ZYG11A: variants seen among roughly 807,000 people sequenced by gnomAD.
ZYG11A encodes zyg-11 family member A, cell cycle regulator.
Under a neutral mutation model 77.2 loss-of-function variants are expected in ZYG11A, and 62 were observed. The observed-to-expected ratio is 0.80, with a 90% CI of 0.65 to 0.99. ZYG11A has a LOEUF of 0.99. Ranked by LOEUF, ZYG11A falls within the 50% of genes least tolerant of loss-of-function variation. The pLI is 0.00. For missense variants in ZYG11A, 828 were observed against 896.8 expected, an observed-to-expected ratio of 0.92 and a Z score of 0.98; for synonymous variants, 315 against 324.6, an observed-to-expected ratio of 0.97 and a Z score of 0.32.
At chr1:52,862,993 C>G (rs910954187) in intron 4 of ZYG11A, among the ~76,000 whole-genome samples, 2 of 152,102 alleles carry the variant, frequency 1.3e-5, no homozygotes, top group African/African-American at 4.8e-5. Context: ...ACTGTGTTGC[C>G]TAGGCTGAAT....
intron 1 of ZYG11A, among the ~76,000 whole-genome samples, chr1:52,843,809 C>A (rs920192965): frequency 6.6e-6 from 1 of 151,878 alleles, no homozygotes; most frequent in Admixed American, 6.6e-5. Context: ...GCCTCAGCCT[C>A]CCGAGTAGGT....
At chr1:52,863,915 A>G in intron 4 of ZYG11A, 66 bp from the exon 5 acceptor site, 1 of 1,409,478 alleles carries the variant, frequency 7.1e-7, no homozygotes, top group Non-Finnish European at 9.5e-7. Context: ...GCCAATCAAA[A>G]CATGCACAAG....
intron 10 of ZYG11A, among the ~76,000 whole-genome samples, chr1:52,878,661 A>C (rs1041269634): frequency 6.6e-6 from 1 of 152,228 alleles, no homozygotes; most frequent in Non-Finnish European, 1.5e-5. Flanking sequence ...AAACTCGGCC[A>C]GGCACGGTGG....
chr1:52,880,175 G>A (rs112013548), intron 10 of ZYG11A, among the ~76,000 whole-genome samples: 2,327 of 149,262 alleles, frequency 0.016, 30 homozygotes, highest in Middle Eastern at 0.14. Flanking sequence ...TGTCTTGTTA[G>A]GGGGTAACAT....
At chr1:52,852,083 T>C (rs1275893697) in intron 1 of ZYG11A, among the ~76,000 whole-genome samples, 1 of 151,784 alleles carries the variant, frequency 6.6e-6, no homozygotes, top group Admixed American at 6.6e-5. Flanking sequence ...CTCGGCTAAT[T>C]TTTTGTATTT....
chr1:52,880,033 G>C (rs1246249068), intron 10 of ZYG11A, among the ~76,000 whole-genome samples: 2 of 147,214 alleles, frequency 1.4e-5, no homozygotes, highest in African/African-American at 5.0e-5. Flanking sequence ...CAAAGTGCTG[G>C]GATTATAGGC....
intron 2 of ZYG11A, among the ~76,000 whole-genome samples, chr1:52,856,328 A>G (rs1645809368): frequency 6.6e-6 from 1 of 151,906 alleles, no homozygotes; most frequent in South Asian, 2.1e-4. Flanking sequence ...GTAGTAGGCC[A>G]GGTGCAGTGC....
At chr1:52,851,265 T>G (rs1557428495) in intron 1 of ZYG11A, among the ~76,000 whole-genome samples, 1 of 152,126 alleles carries the variant, frequency 6.6e-6, no homozygotes, top group Non-Finnish European at 1.5e-5. Flanking sequence ...CATCTGGTCT[T>G]GAACTCCTCA....
rs771402802 is a variant in ZYG11A, at chr1:52,842,916, C to T, written c.33C>T (p.Pro11=). Residue 11 remains proline, a synonymous_variant, in exon 1 of 14, where the codon CCC becomes CCT. Transcript: ENST00000371528. ...ATTTCTTGCACCCGGGCCACACGCC[C>T]CGGAACATCGTCCCTCCTGACGCTC... The part of the protein sequence containing the change: MVHFLHPGHT[P]RNIVPPDAQK... 67 of 1,530,474 alleles carry T rather than the reference C, an allele frequency of 4.4e-5. No individual in the cohort carries two copies. In the African/African-American group the frequency reaches 9.0e-4, roughly 20 times the overall value. The allele number at this position is 1,530,474 out of a possible 1,614,324, so 94.8% of individuals were successfully genotyped here.
chr1:52,885,044 G>T (rs1339947085), intron 11 of ZYG11A, among the ~76,000 whole-genome samples: 1 of 152,078 alleles, frequency 6.6e-6, no homozygotes, highest in Admixed American at 6.5e-5. Context: ...GAGTAGCTGG[G>T]ATTATAGGCA....
rs190504410 is a variant in ZYG11A, at chr1:52,848,746, A to G, written c.91-5719A>G. Among the ~76,000 whole-genome samples the G allele has an allele frequency of 8.5e-5, 13 of 152,308 alleles. No individual in the cohort carries two copies. In the East Asian group the frequency reaches 2.5e-3, roughly 29 times the overall value. ...GCCAGATGTGATGGTGAATGCCTGT[A>G]GTCCCACCTACTTGGGAGGCTGAGG... On this transcript the variant is annotated intron_variant, in intron 1 of 13. Coordinates refer to ENST00000371528, the MANE Select transcript of ZYG11A (RefSeq NM_001004339.3).
chr1:52,858,984 A>G (rs1571846550), intron 3 of ZYG11A, among the ~76,000 whole-genome samples: 1 of 152,192 alleles, frequency 6.6e-6, no homozygotes, highest in Non-Finnish European at 1.5e-5. Context: ...GGGGAAGAGA[A>G]TAAAGTGATT....
Position 52,854,460 on chromosome 1 carries a change from G to C in ZYG11A, c.91-5G>C, listed in dbSNP as rs778044380. 20 of 1,525,866 alleles carry C rather than the reference G, an allele frequency of 1.3e-5. No homozygotes were observed. The highest frequency in any genetic ancestry group is 3.5e-6 in the Non-Finnish European group (4 of 1,129,958). 94.5% of individuals were successfully genotyped at this position (1,525,866 alleles called of 1,614,324 possible). On this transcript the variant is annotated splice_region_variant and splice_polypyrimidine_tract_variant and intron_variant, in intron 1 of 13. Transcript: ENST00000371528. ...ACAAAGTTTGTTTGGGGTTTTGTTT[G>C]CTAGGAAGAGGCATCTCCCTACACT...
chr1:52,886,764 C>T (rs1646460021), intron 12 of ZYG11A, among the ~76,000 whole-genome samples, 192 bp from the exon 13 acceptor site: 1 of 124,408 alleles, frequency 8.0e-6, no homozygotes, highest in South Asian at 2.8e-4. Context: ...CTAGGCTGGT[C>T]CCGAATTCCT....
chr1:52,851,181 A>G (rs1645703504), intron 1 of ZYG11A, among the ~76,000 whole-genome samples: 1 of 151,662 alleles, frequency 6.6e-6, no homozygotes, highest in Admixed American at 6.6e-5. Context: ...GGTAGCTGGG[A>G]CTCAGGCACA....
At position 52,857,466 on chromosome 1, in the gene ZYG11A, C is replaced by T. The variant is rs1259934018; in HGVS notation, c.725C>T (p.Ala242Val). Residue 242 changes from alanine to valine, a missense_variant, in exon 3 of 14, where the codon GCC becomes GTC. By Grantham distance (64) the Ala-to-Val change is moderately conservative. Transcript: ENST00000371528. Reference sequence around the variant, plus strand: ...ACAATGCACTATCTGAAATGCCTGGCCATGACCAAATCACAAATTCTTGCA... The same window carrying T: ...ACAATGCACTATCTGAAATGCCTGGTCATGACCAAATCACAAATTCTTGCA... ...SLTMHYLKCL[A>V]MTKSQILAVI... 3 of 1,552,174 alleles carry T rather than the reference C, an allele frequency of 1.9e-6. No individual in the cohort carries two copies. In the East Asian group the frequency reaches 7.3e-5, roughly 38 times the overall value.
intron 8 of ZYG11A, among the ~76,000 whole-genome samples, chr1:52,875,184 C>T (rs1013164651): frequency 2.0e-5 from 3 of 152,076 alleles, no homozygotes; most frequent in Non-Finnish European, 4.4e-5. Flanking sequence ...GGTTGAGTGA[C>T]GTGAGGACAG....
chr1:52,853,394 A>G (rs1304505742), intron 1 of ZYG11A, among the ~76,000 whole-genome samples: 1 of 152,210 alleles, frequency 6.6e-6, no homozygotes, highest in Admixed American at 6.6e-5. Flanking sequence ...GGTTGTGAAC[A>G]GTTTTGAGAA....
intron 6 of ZYG11A, among the ~76,000 whole-genome samples, chr1:52,867,298 T>A (rs572004023): frequency 1.7e-4 from 26 of 152,340 alleles, no homozygotes; most frequent in African/African-American, 6.3e-4. Context: ...AATACATTTT[T>A]TCTTAGATTT....
Sources: allele counts gnomAD v4.1 joint callset (sites outside exome capture counted in the v4.1 genomes callset), GRCh38; gene constraint gnomAD v4.1.1; transcripts MANE v1.5; gene names NCBI Gene and HGNC (gene_info 2026-07-23, HGNC 2026-07-21).